SLC25A18: variants seen among roughly 807,000 people sequenced by gnomAD.
The protein encoded by SLC25A18 is mitochondrial glutamate carrier 2.
Under a neutral mutation model 31.1 loss-of-function variants are expected in SLC25A18, and 24 were observed. That is an observed-to-expected ratio of 0.77 (90% CI 0.56 to 1.08). The LOEUF (loss-of-function observed/expected upper bound fraction) is 1.08, where lower values mean the gene tolerates loss of function less well. Ranked by LOEUF, SLC25A18 falls within the 50% of genes least tolerant of loss-of-function variation. SLC25A18 has a pLI of 0.00. For missense variants in SLC25A18, 371 were observed against 418.5 expected, an observed-to-expected ratio of 0.89 and a Z score of 0.99; for synonymous variants, 173 against 161.9, an observed-to-expected ratio of 1.07 and a Z score of -0.52.
At chr22:17,567,943 G>A (rs1298076668) in intron 1 of SLC25A18, among the ~76,000 whole-genome samples, 1 of 152,072 alleles carries the variant, frequency 6.6e-6, no homozygotes, top group Non-Finnish European at 1.5e-5. Context: ...GAACAAAGGA[G>A]ACAGGGTCGT....
chr22:17,588,250 T>C, intron 9 of SLC25A18, 171 bp downstream of exon 9: 1 of 671,336 alleles, frequency 1.5e-6, no homozygotes, highest in South Asian at 2.1e-5. Flanking sequence ...CTTCTGTTTC[T>C]CATCCCTGAC....
chr22:17,579,957 G>C lies in SLC25A18; in HGVS notation c.13G>C (p.Asp5His). 1 of 1,611,164 alleles carries C rather than the reference G, an allele frequency of 6.2e-7. No individual in the cohort carries two copies. Among genetic ancestry groups the C allele is most frequent in the Non-Finnish European group, 8.5e-7 (1 of 1,179,134 alleles). Residue 5 changes from aspartate to histidine, a missense_variant, in exon 3 of 11, where the codon GAT becomes CAT. By Grantham distance (81) the Asp-to-His change is moderately conservative. Transcript: ENST00000327451. ...CAGCCCCTGCAGAATGACCCACCAG[G>C]ATCTGAGGTGAGCTCGGCTGGGGCA... MTHQDLSITAKLING... is the reference protein window; with the variant it reads MTHQHLSITAKLING...
intron 1 of SLC25A18, among the ~76,000 whole-genome samples, chr22:17,568,366 CAAAAA>C (rs778315853): frequency 3.0e-5 from 2 of 67,642 alleles, no homozygotes; most frequent in Non-Finnish European, 3.3e-5. Flanking sequence ...GACTCCATCT[CAAAAA>C]AAAAAAAAAA....
At chr22:17,587,337 C>T (rs202181366) in intron 8 of SLC25A18, 36 bp downstream of exon 8, 169 of 1,579,094 alleles carry the variant, frequency 1.1e-4, no homozygotes, top group Non-Finnish European at 9.9e-5. Context: ...GACAAGTGCA[C>T]GGGGGAGGGC....
chr22:17,589,743 A>G, intron 10 of SLC25A18, 78 bp downstream of exon 10: 3 of 1,349,162 alleles, frequency 2.2e-6, no homozygotes, highest in Non-Finnish European at 3.2e-6. Flanking sequence ...AGATTTAGAG[A>G]CCAACTTGAA....
chr22:17,582,381 A>G (rs2057403949), intron 5 of SLC25A18, 182 bp from the exon 6 acceptor site: 1 of 485,496 alleles, frequency 2.1e-6, no homozygotes, highest in Admixed American at 3.7e-5. Flanking sequence ...ATCTAAAAAA[A>G]AAGGAGAATG....
intron 1 of SLC25A18, among the ~76,000 whole-genome samples, chr22:17,569,049 G>A (rs958320595): frequency 1.4e-5 from 2 of 147,476 alleles, no homozygotes; most frequent in Non-Finnish European, 3.0e-5. Context: ...CCAGCCTGTA[G>A]CCAGGCTGGA....
intron 3 of SLC25A18, 115 bp downstream of exon 3, chr22:17,580,079 A>T: frequency 1.0e-6 from 1 of 976,096 alleles, no homozygotes. Flanking sequence ...GAAGAGCAAG[A>T]CCCCTGTCCC....
intron 2 of SLC25A18, among the ~76,000 whole-genome samples, chr22:17,573,646 C>A (rs1054711251): frequency 6.6e-6 from 1 of 152,126 alleles, no homozygotes; most frequent in African/African-American, 2.4e-5. Flanking sequence ...GCCCCACTGA[C>A]CCCATCTCTC....
At chr22:17,568,083 G>T (rs904874602) in intron 1 of SLC25A18, among the ~76,000 whole-genome samples, 20 of 152,040 alleles carry the variant, frequency 1.3e-4, no homozygotes, top group African/African-American at 4.8e-4. Context: ...GAGGAGAATA[G>T]GCCAGGTGCG....
At chr22:17,576,048 T>C (rs2057221695) in intron 2 of SLC25A18, among the ~76,000 whole-genome samples, 1 of 151,962 alleles carries the variant, frequency 6.6e-6, no homozygotes, top group African/African-American at 2.4e-5. Context: ...CCCTCTAAAT[T>C]CCTTCAGAAA....
chr22:17,588,235 C>T (rs1390705305), intron 9 of SLC25A18, 156 bp downstream of exon 9: 2 of 759,598 alleles, frequency 2.6e-6, no homozygotes, highest in East Asian at 5.5e-5. Flanking sequence ...TCCCAAGAGA[C>T]CTTCCTTCTG....
chr22:17,583,969 G>A, intron 7 of SLC25A18: 1 of 737,934 alleles, frequency 1.4e-6, no homozygotes, highest in African/African-American at 1.9e-5. Context: ...TTCATTTATG[G>A]TTACCCATTT....
rs759041961 is a variant in SLC25A18 at position 17,581,008 on chromosome 22, CTCCTCCCCCTG to C, written c.21-13_21-3del. The C allele has an allele frequency of 6.9e-5, 106 of 1,528,656 alleles. No homozygotes were observed. The highest frequency in any genetic ancestry group is 8.7e-5 in the South Asian group (7 of 80,300). The allele number at this position is 1,528,656 out of a possible 1,614,324, so 94.7% of individuals were successfully genotyped here. A position where few individuals can be genotyped will look rare whatever the true frequency, so the allele number is the denominator to read the frequency against. Reference sequence around the variant, plus strand: ...CTAACCTGCCCCTCCCTCTGCCTCTCTCCTCCCCCTGTCCTCCCCCTGTCCTAGCATCACAG... The same window carrying C: ...CTAACCTGCCCCTCCCTCTGCCTCTCTCCTCCCCCTGTCCTAGCATCACAG... On this transcript the variant is annotated intron_variant, in intron 3 of 10. Coordinates refer to ENST00000327451, the MANE Select transcript of SLC25A18 (RefSeq NM_031481.3).
Position 17,583,488 on chromosome 22 carries a change from T to C in SLC25A18, c.363T>C (p.Cys121=), listed in dbSNP as rs1173044015. 2 of 1,613,972 alleles carry C rather than the reference T, an allele frequency of 1.2e-6. No individual in the cohort carries two copies. The highest frequency in any genetic ancestry group is 4.5e-5 in the East Asian group (2 of 44,854). ...GGATGTGCCAGGTCGTGGTGACCTG[T>C]CCCATGGAAATGCTCAAGATTCAGC... ...GAGMCQVVVT[C]PMEMLKIQLQ... Residue 121 remains cysteine (C), a synonymous_variant, in exon 7 of 11, where the codon TGT becomes TGC. Coordinates refer to ENST00000327451, the MANE Select transcript of SLC25A18 (RefSeq NM_031481.3).
intron 2 of SLC25A18, chr22:17,570,187 A>G: frequency 1.2e-5 from 2 of 172,282 alleles, no homozygotes; most frequent in Non-Finnish European, 2.3e-5. Flanking sequence ...CCAAGCCAGG[A>G]AGCAAGTGAT....
At chr22:17,564,926 T>C in intron 1 of SLC25A18, among the ~76,000 whole-genome samples, 1 of 151,522 alleles carries the variant, frequency 6.6e-6, no homozygotes, top group Middle Eastern at 3.4e-3. Context: ...TTGTTTTAAT[T>C]AGCCAGGTTG....
intron 2 of SLC25A18, among the ~76,000 whole-genome samples, chr22:17,572,877 G>A (rs887181834): frequency 2.6e-5 from 4 of 151,952 alleles, no homozygotes; most frequent in African/African-American, 4.8e-5. Flanking sequence ...TCCTGACCTC[G>A]TGATCCGCCC....
chr22:17,589,649 A>G lies in SLC25A18; in HGVS notation c.790A>G (p.Ile264Val). Residue 264 changes from isoleucine (I) to valine (V), a missense_variant, in exon 10 of 11, where the codon ATC becomes GTC. By Grantham distance (29) the Ile-to-Val change is conservative. Coordinates refer to ENST00000327451, the MANE Select transcript of SLC25A18 (RefSeq NM_031481.3). ...CCTGGGCGAGGACATGTACAGTGGG[A>G]TCACCGACTGTGCCAGGTGAGAGCC... ...KGLGEDMYSG[I>V]TDCARKLWIQ... is the part of the protein sequence containing the mutation. 1 of 1,614,082 alleles carries G rather than the reference A, an allele frequency of 6.2e-7. No homozygotes were observed.
Sources: gnomAD v4.1 joint callset for allele counts (sites outside exome capture counted in the v4.1 genomes callset) on GRCh38, gnomAD v4.1.1 for gene constraint, MANE v1.5 for transcripts, NCBI Gene and HGNC (gene_info 2026-07-23, HGNC 2026-07-21) for gene names.